NT5DC1: variants seen among roughly 807,000 people sequenced by gnomAD.
NT5DC1 encodes the protein 5'-nucleotidase domain containing 1.
In NT5DC1, 42 loss-of-function variants were observed where a neutral mutation model predicts 59.4. The observed-to-expected ratio is 0.71, with a 90% CI of 0.55 to 0.92. The LOEUF (loss-of-function observed/expected upper bound fraction) is 0.92. NT5DC1 is among the 40% of genes least tolerant of loss of function. The pLI is 0.00. For missense variants in NT5DC1, 501 were observed against 537.1 expected (o/e 0.93, Z 0.66); for synonymous variants, 172 against 188.1 (o/e 0.91, Z 0.70).
intron 6 of NT5DC1, among the ~76,000 whole-genome samples, chr6:116,164,302 ATCT>A (rs1465709654): frequency 4.6e-5 from 7 of 152,054 alleles, no homozygotes; most frequent in African/African-American, 1.7e-4. Flanking sequence ...GGATAGTTAA[ATCT>A]TCTTATTGAG....
intron 6 of NT5DC1, among the ~76,000 whole-genome samples, chr6:116,147,525 T>C (rs1380962162): frequency 2.6e-5 from 4 of 152,072 alleles, no homozygotes; most frequent in Non-Finnish European, 5.9e-5. Flanking sequence ...AGTCCTAATA[T>C]ATAAGAAGTT....
intron 6 of NT5DC1, among the ~76,000 whole-genome samples, chr6:116,122,681 G>A (rs1051857698): frequency 1.3e-5 from 2 of 152,218 alleles, no homozygotes; most frequent in Non-Finnish European, 2.9e-5. Flanking sequence ...TGTGAAAAAT[G>A]CGGCTGGGCC....
intron 6 of NT5DC1, among the ~76,000 whole-genome samples, chr6:116,147,789 T>A (rs1027231080): frequency 3.9e-5 from 6 of 152,192 alleles, no homozygotes; most frequent in Non-Finnish European, 8.8e-5. Flanking sequence ...TATACAGGGT[T>A]ATTGATTATA....
intron 6 of NT5DC1, chr6:116,120,844 C>A (rs749839210): frequency 1.1e-5 from 18 of 1,614,014 alleles, no homozygotes; most frequent in Non-Finnish European, 1.5e-5. Flanking sequence ...CTGCTGGGCC[C>A]ACAGGGCCTG....
intron 8 of NT5DC1, among the ~76,000 whole-genome samples, chr6:116,231,601 G>C (rs1326810119): frequency 6.6e-6 from 1 of 152,172 alleles, no homozygotes. Flanking sequence ...TAAAAATGAA[G>C]AATGAGACGA....
intron 6 of NT5DC1, among the ~76,000 whole-genome samples, chr6:116,185,442 C>G (rs1400478539): frequency 7.2e-5 from 11 of 152,034 alleles, no homozygotes; most frequent in Non-Finnish European, 1.3e-4. Context: ...GATGGCCTGT[C>G]TAATGCTGTC....
intron 6 of NT5DC1, among the ~76,000 whole-genome samples, chr6:116,129,108 C>T (rs1003356556): frequency 6.6e-6 from 1 of 151,988 alleles, no homozygotes; most frequent in Non-Finnish European, 1.5e-5. Flanking sequence ...TATATTTTTC[C>T]AGAAGAGAAG....
intron 6 of NT5DC1, chr6:116,119,881 A>G: frequency 1.7e-6 from 1 of 595,624 alleles, no homozygotes; most frequent in South Asian, 2.2e-5. Flanking sequence ...AATTCAAGAG[A>G]GGCTTCACAT....
chr6:116,223,012 T>C (rs752557814), intron 7 of NT5DC1, 22 bp from the exon 8 acceptor site: 3 of 1,272,950 alleles, frequency 2.4e-6, no homozygotes, highest in Admixed American at 1.8e-5. Context: ...AATAAACTTA[T>C]GAAAAATTGT....
intron 6 of NT5DC1, among the ~76,000 whole-genome samples, chr6:116,187,274 C>G (rs773413267): frequency 1.3e-5 from 2 of 151,956 alleles, no homozygotes; most frequent in South Asian, 4.1e-4. Context: ...AGCAGGGGAG[C>G]GAAGTGGACT....
At position 116,143,406 on chromosome 6, in the gene NT5DC1, G is replaced by A. The variant is rs184453854; in HGVS notation, c.529+25461G>A. Among the ~76,000 whole-genome samples the A allele has an allele frequency of 2.6e-3, 395 of 152,186 alleles. 10 individuals are homozygous for A. In the South Asian group the frequency reaches 0.043, roughly 17 times the overall value. On this transcript the variant is annotated intron_variant, in intron 6 of 11. Transcript: ENST00000319550. ...TTTTTGTATCTTTAGTAGAGACGGT[G>A]TTTCACCATGTTGGCCAGGATGGTC...
Position 116,122,145 on chromosome 6 carries a change from A to G in NT5DC1, c.529+4200A>G, listed in dbSNP as rs187914512. Among the ~76,000 whole-genome samples the G allele has an allele frequency of 3.0e-3, 460 of 152,326 alleles. 2 individuals carry two copies. The highest frequency in any genetic ancestry group is 0.01 in the African/African-American group (416 of 41,574). Reference sequence around the variant, plus strand: ...ATACTGTTTTAAAAAATTCTGCTGGAGAAGATGGTTTCACAAAACCATGGC... The same window carrying G: ...ATACTGTTTTAAAAAATTCTGCTGGGGAAGATGGTTTCACAAAACCATGGC... On this transcript the variant is annotated intron_variant, in intron 6 of 11. Transcript: ENST00000319550.
chr6:116,146,031 C>G (rs749314298), intron 6 of NT5DC1, among the ~76,000 whole-genome samples: 1 of 152,190 alleles, frequency 6.6e-6, no homozygotes, highest in Non-Finnish European at 1.5e-5. Flanking sequence ...AAAGGATGTC[C>G]TCCTCGTTTT....
At chr6:116,125,023 G>T (rs1242123950) in intron 6 of NT5DC1, among the ~76,000 whole-genome samples, 3 of 152,156 alleles carry the variant, frequency 2.0e-5, no homozygotes, top group Non-Finnish European at 2.9e-5. Flanking sequence ...GATTAGTTTT[G>T]ATTAGATCAA....
chr6:116,197,836 G>A (rs1214478545), intron 6 of NT5DC1, among the ~76,000 whole-genome samples: 1 of 152,042 alleles, frequency 6.6e-6, no homozygotes, highest in East Asian at 1.9e-4. Context: ...TGCTACCATT[G>A]AGAAGCGTTT....
chr6:116,230,528 A>C (rs1465707427), intron 8 of NT5DC1, among the ~76,000 whole-genome samples: 2 of 152,232 alleles, frequency 1.3e-5, no homozygotes, highest in Non-Finnish European at 2.9e-5. Context: ...TCTGATTCAG[A>C]GGCCCTGGTG....
At position 116,135,872 on chromosome 6, in the gene NT5DC1, T is replaced by TACAC. The variant is rs71554839; in HGVS notation, c.529+17931_529+17934dup. On this transcript the variant is annotated intron_variant, in intron 6 of 11. Transcript: ENST00000319550. ...ATATATATATATATATATATATATA[T>TACAC]ACACACATACACACACATTGCTAAA... is the stretch of plus-strand genomic sequence containing the variant. Among the ~76,000 whole-genome samples the TACAC allele has an allele frequency of 1.2e-3, 150 of 121,298 alleles. 3 individuals carry two copies. Among genetic ancestry groups the TACAC allele is most frequent in the African/African-American group, 5.0e-3 (141 of 28,420 alleles). The allele number at this position is 121,298 out of a possible 152,430, so 79.6% of individuals were successfully genotyped here. A position where few individuals can be genotyped will look rare whatever the true frequency, so the allele number is the denominator to read the frequency against.
At chr6:116,221,282 T>A in intron 7 of NT5DC1, 54 bp downstream of exon 7, 1 of 1,014,216 alleles carries the variant, frequency 9.9e-7, no homozygotes, top group Non-Finnish European at 1.5e-6. Flanking sequence ...GATAGCAAAT[T>A]AGACCAGGGC....
chr6:116,175,362 T>A (rs1405820361), intron 6 of NT5DC1, among the ~76,000 whole-genome samples: 1 of 152,196 alleles, frequency 6.6e-6, no homozygotes, highest in Non-Finnish European at 1.5e-5. Flanking sequence ...TTCCCTTTTA[T>A]ATTTCCTTTT....
Sources: allele counts gnomAD v4.1 joint callset (sites outside exome capture counted in the v4.1 genomes callset), GRCh38; gene constraint gnomAD v4.1.1; transcripts MANE v1.5; gene names NCBI Gene and HGNC (gene_info 2026-07-23, HGNC 2026-07-21).